Variants in NXPE2 observed in about 807,000 individuals in gnomAD.
NXPE2 encodes NXPE family member 2.
Under a neutral mutation model 34.4 loss-of-function variants are expected in NXPE2, and 34 were observed. The ratio of observed to expected loss-of-function variants is 0.99; its 90% CI spans 0.75 to 1.31. NXPE2 has a LOEUF of 1.31. Ranked by LOEUF, NXPE2 falls within the 40% of genes most tolerant of loss-of-function variation. The pLI is 0.00. For missense variants in NXPE2, 649 were observed against 672.5 expected (o/e 0.97, Z 0.39); for synonymous variants, 235 against 231.3 (o/e 1.02, Z -0.15).
chr11:114,530,584 T>C, the NXPE2 span: 1 of 1,614,166 alleles, frequency 6.2e-7, no homozygotes, highest in Middle Eastern at 1.6e-4. Context: ...GAGGACATCC[T>C]GGCCCTCAGG....
At chr11:114,472,031 A>G in the NXPE2 span, among the ~76,000 whole-genome samples, 1 of 152,226 alleles carries the variant, frequency 6.6e-6, no homozygotes. Flanking sequence ...CAGGGCACCA[A>G]GATAAATCAA....
the NXPE2 span, among the ~76,000 whole-genome samples, chr11:114,716,493 T>C: frequency 2.6e-5 from 4 of 152,148 alleles, no homozygotes; most frequent in Non-Finnish European, 2.9e-5. Context: ...CTGTCTTAAT[T>C]ATCTGGATCT....
chr11:114,768,522 A>G, the NXPE2 span, among the ~76,000 whole-genome samples: 1 of 152,342 alleles, frequency 6.6e-6, no homozygotes, highest in African/African-American at 2.4e-5. Context: ...TTTTCACAAT[A>G]TTAATTCTTC....
At chr11:114,602,229 A>G in the NXPE2 span, among the ~76,000 whole-genome samples, 4 of 86,032 alleles carry the variant, frequency 4.6e-5, no homozygotes, top group African/African-American at 1.6e-4. Flanking sequence ...GTTATAGATT[A>G]TATATTATAC....
At chr11:114,808,210 TTG>T in the NXPE2 span, among the ~76,000 whole-genome samples, 2 of 152,172 alleles carry the variant, frequency 1.3e-5, no homozygotes, top group Non-Finnish European at 2.9e-5. Context: ...AGAGGGAAAT[TTG>T]TAGCACTAAA....
chr11:114,544,404 G>T, the NXPE2 span, among the ~76,000 whole-genome samples: 3 of 152,150 alleles, frequency 2.0e-5, no homozygotes, highest in Non-Finnish European at 4.4e-5. Flanking sequence ...GAACATAATA[G>T]AAAGCCAATA....
downstream of NXPE2, among the ~76,000 whole-genome samples, chr11:114,711,103 A>G (rs753753737): frequency 4.6e-5 from 7 of 152,166 alleles, 1 homozygote; most frequent in Non-Finnish European, 1.0e-4. Flanking sequence ...CAACACGATA[A>G]AAGCCATACA....
At chr11:114,626,032 C>T in the NXPE2 span, among the ~76,000 whole-genome samples, 10 of 152,198 alleles carry the variant, frequency 6.6e-5, no homozygotes, top group Non-Finnish European at 8.8e-5. Flanking sequence ...CCTACGCCCA[C>T]GGAGTCTCAC....
the NXPE2 span, among the ~76,000 whole-genome samples, chr11:114,735,073 G>A: frequency 1.3e-4 from 20 of 152,254 alleles, no homozygotes; most frequent in East Asian, 3.3e-3. Flanking sequence ...TTGCACCACT[G>A]CACTCTAGCC....
At chr11:114,569,655 T>A in the NXPE2 span, among the ~76,000 whole-genome samples, 5 of 152,046 alleles carry the variant, frequency 3.3e-5, no homozygotes, top group Non-Finnish European at 1.5e-5. Context: ...TGAGGCTGGG[T>A]CTTGCGCTGT....
chr11:114,593,229 T>A, the NXPE2 span, among the ~76,000 whole-genome samples: 1 of 151,950 alleles, frequency 6.6e-6, no homozygotes, highest in African/African-American at 2.4e-5. Flanking sequence ...ATCAAGTGAG[T>A]GAAGAGTTAA....
the NXPE2 span, among the ~76,000 whole-genome samples, chr11:114,752,531 A>G: frequency 1.3e-5 from 2 of 152,334 alleles, no homozygotes; most frequent in Non-Finnish European, 2.9e-5. Context: ...TAAATAGTCC[A>G]TGTGAGAAAT....
chr11:114,577,880 A>T, the NXPE2 span, among the ~76,000 whole-genome samples: 1 of 152,142 alleles, frequency 6.6e-6, no homozygotes, highest in Non-Finnish European at 1.5e-5. Flanking sequence ...GGATAATATT[A>T]AGTGCCATAT....
chr11:114,637,489 A>C, the NXPE2 span, among the ~76,000 whole-genome samples: 1 of 151,442 alleles, frequency 6.6e-6, no homozygotes, highest in Non-Finnish European at 1.5e-5. Flanking sequence ...GTTATGTGTG[A>C]ATTTGATCCT....
At chr11:114,691,759 G>C (rs974679587) in intron 2 of NXPE2, among the ~76,000 whole-genome samples, 9 of 152,322 alleles carry the variant, frequency 5.9e-5, no homozygotes, top group Middle Eastern at 3.4e-3. Context: ...TGACCCAAGG[G>C]GGGCTTTGGT....
the NXPE2 span, among the ~76,000 whole-genome samples, chr11:114,804,137 A>C: frequency 2.0e-5 from 3 of 152,194 alleles, no homozygotes; most frequent in Admixed American, 2.0e-4. Flanking sequence ...AAGACTGCTC[A>C]GTCAGGTTGT....
the NXPE2 span, chr11:114,530,467 G>A: frequency 6.2e-7 from 1 of 1,614,236 alleles, no homozygotes. Context: ...TGGATGAGCA[G>A]CAGAGACAGG....
intron 2 of NXPE2, among the ~76,000 whole-genome samples, chr11:114,685,017 A>G (rs565172959): frequency 6.6e-6 from 1 of 152,194 alleles, no homozygotes; most frequent in Non-Finnish European, 1.5e-5. Flanking sequence ...ATAAATGAGT[A>G]AAAGAATCCA....
the NXPE2 span, among the ~76,000 whole-genome samples, chr11:114,773,386 C>G: frequency 4.0e-5 from 6 of 150,992 alleles, no homozygotes; most frequent in African/African-American, 1.5e-4. Flanking sequence ...GATAAGAACC[C>G]CCCGCCCCTT....
Sources: allele counts gnomAD v4.1 joint callset (sites outside exome capture counted in the v4.1 genomes callset), GRCh38; gene constraint gnomAD v4.1.1; transcripts MANE v1.5; gene names NCBI Gene and HGNC (gene_info 2026-07-23, HGNC 2026-07-21).